The following UBXN4 variants were observed in gnomAD, a reference collection of about 807,000 sequenced individuals.
UBXN4 encodes UBX domain protein 4, also known as UBX domain-containing protein 4.
A neutral mutation model predicts 66.2 loss-of-function variants in UBXN4; 35 were observed. That is an observed-to-expected ratio of 0.53 (90% CI 0.40 to 0.70). The LOEUF is 0.70. UBXN4 is among the 30% of genes least tolerant of loss of function. The pLI is 0.00. For missense variants in UBXN4, 533 were observed against 599.8 expected, an observed-to-expected ratio of 0.89 and a Z score of 1.16; for synonymous variants, 203 against 204.5, an observed-to-expected ratio of 0.99 and a Z score of 0.06.
At chr2:135,744,268 A>G (rs2077193950) in intron 1 of UBXN4, among the ~76,000 whole-genome samples, 1 of 152,222 alleles carries the variant, frequency 6.6e-6, no homozygotes, top group Non-Finnish European at 1.5e-5. Flanking sequence ...ACTTTGGTTC[A>G]TAGAACTGTT....
At chr2:135,743,507 T>G (rs1022691064) in intron 1 of UBXN4, among the ~76,000 whole-genome samples, 2 of 152,224 alleles carry the variant, frequency 1.3e-5, no homozygotes, top group South Asian at 4.1e-4. Flanking sequence ...GATGAGGCAC[T>G]TAGGTCAGCA....
At chr2:135,752,690 T>G (rs2105494173) in intron 2 of UBXN4, among the ~76,000 whole-genome samples, 1 of 152,318 alleles carries the variant, frequency 6.6e-6, no homozygotes, top group African/African-American at 2.4e-5. Context: ...AGCTACCAGA[T>G]GCAGCCACTA....
intron 5 of UBXN4, among the ~76,000 whole-genome samples, chr2:135,757,261 C>T (rs1305933927): frequency 6.6e-6 from 1 of 152,110 alleles, no homozygotes; most frequent in African/African-American, 2.4e-5. Context: ...TTATCATCTC[C>T]ATTCTGATGT....
At chr2:135,744,385 T>C (rs988988903) in intron 1 of UBXN4, among the ~76,000 whole-genome samples, 7 of 148,582 alleles carry the variant, frequency 4.7e-5, no homozygotes, top group Non-Finnish European at 8.8e-5. Context: ...TTACTACTAC[T>C]TCAGCTAACA....
At chr2:135,744,638 C>G (rs889789005) in intron 1 of UBXN4, among the ~76,000 whole-genome samples, 9 of 151,960 alleles carry the variant, frequency 5.9e-5, no homozygotes, top group South Asian at 4.1e-4. Context: ...TATTTTACAT[C>G]GGAAAGACTG....
intron 12 of UBXN4, among the ~76,000 whole-genome samples, chr2:135,781,975 G>A (rs920276503): frequency 6.6e-6 from 1 of 152,200 alleles, no homozygotes; most frequent in East Asian, 1.9e-4. Flanking sequence ...CTGGGAAGCT[G>A]GGGCAGGAGG....
chr2:135,747,371 A>G (rs2077214650), intron 1 of UBXN4, among the ~76,000 whole-genome samples: 1 of 138,626 alleles, frequency 7.2e-6, no homozygotes, highest in Non-Finnish European at 1.6e-5. Flanking sequence ...AAAAAAAAAA[A>G]AGATACAGAA....
At chr2:135,747,600 A>G (rs2077216581) in intron 1 of UBXN4, 1 of 456,576 alleles carries the variant, frequency 2.2e-6, no homozygotes, top group South Asian at 1.5e-5. Context: ...GTTGAACTCA[A>G]CAGAAAGGTG....
intron 12 of UBXN4, among the ~76,000 whole-genome samples, chr2:135,781,488 ATAAG>A (rs2105511011): frequency 6.6e-6 from 1 of 152,346 alleles, no homozygotes; most frequent in South Asian, 2.1e-4. Context: ...GTCCTATGTG[ATAAG>A]TAATAGAAAT....
intron 5 of UBXN4, among the ~76,000 whole-genome samples, chr2:135,761,043 A>T (rs1216639228): frequency 6.6e-6 from 1 of 152,230 alleles, no homozygotes. Flanking sequence ...TATTTCTTAT[A>T]ACAACCGTGT....
chr2:135,781,487 G>A (rs2077448696), intron 12 of UBXN4, among the ~76,000 whole-genome samples: 1 of 152,184 alleles, frequency 6.6e-6, no homozygotes, highest in South Asian at 2.1e-4. Flanking sequence ...AGTCCTATGT[G>A]ATAAGTAATA....
intron 10 of UBXN4, 63 bp downstream of exon 10, chr2:135,776,414 A>G: frequency 4.9e-6 from 7 of 1,424,308 alleles, no homozygotes; most frequent in Non-Finnish European, 5.8e-6. Flanking sequence ...ATAGGAAGGG[A>G]AAATTTCAAA....
At chr2:135,771,925 A>C (rs1253728516) in intron 8 of UBXN4, among the ~76,000 whole-genome samples, 2 of 152,210 alleles carry the variant, frequency 1.3e-5, no homozygotes, top group African/African-American at 2.4e-5. Flanking sequence ...TAGTGAGCAA[A>C]TTCATTTCCT....
At chr2:135,746,189 A>G (rs571712745) in intron 1 of UBXN4, among the ~76,000 whole-genome samples, 15 of 152,104 alleles carry the variant, frequency 9.9e-5, no homozygotes, top group African/African-American at 3.6e-4. Context: ...AAATTTCTCA[A>G]ACTCCTATTT....
intron 10 of UBXN4, 41 bp downstream of exon 10, chr2:135,776,392 G>C: frequency 6.5e-7 from 1 of 1,544,738 alleles, no homozygotes; most frequent in South Asian, 1.1e-5. Context: ...TAGATGTGTA[G>C]GTTACTAAAT....
At chr2:135,776,392 G>GCTAC (rs1392958658) in intron 10 of UBXN4, 41 bp downstream of exon 10, 1 of 1,544,620 alleles carries the variant, frequency 6.5e-7, no homozygotes, top group African/African-American at 1.4e-5. Flanking sequence ...TAGATGTGTA[G>GCTAC]GTTACTAAAT....
intron 2 of UBXN4, among the ~76,000 whole-genome samples, chr2:135,751,364 A>G (rs1451439810): frequency 6.8e-6 from 1 of 148,110 alleles, no homozygotes; most frequent in Admixed American, 6.8e-5. Flanking sequence ...TTTTTAAAAT[A>G]GTTTTAGTAG....
intron 1 of UBXN4, among the ~76,000 whole-genome samples, chr2:135,743,939 T>G (rs6732236): frequency 0.21 from 32,659 of 152,094 alleles, 4,008 homozygotes; most frequent in Middle Eastern, 0.57. Context: ...TAATGACTCT[T>G]GAATGTTTGC....
At chr2:135,752,588 G>T (rs17653534) in intron 2 of UBXN4, among the ~76,000 whole-genome samples, 4 of 152,278 alleles carry the variant, frequency 2.6e-5, no homozygotes, top group Admixed American at 6.5e-5. Flanking sequence ...TAAGTCGTAG[G>T]CCTTATGTCT....
Sources: allele counts gnomAD v4.1 joint callset (sites outside exome capture counted in the v4.1 genomes callset), GRCh38; gene constraint gnomAD v4.1.1; transcripts MANE v1.5; gene names NCBI Gene and HGNC (gene_info 2026-07-23, HGNC 2026-07-21).